JMY: variants seen among roughly 807,000 people sequenced by gnomAD.
JMY encodes the protein junction-mediating and -regulatory protein.
In JMY, 46 loss-of-function variants were observed where a neutral mutation model predicts 103.3. The observed-to-expected ratio is 0.45, with a 90% CI of 0.35 to 0.57. The LOEUF (loss-of-function observed/expected upper bound fraction) is 0.57, where lower values mean the gene tolerates loss of function less well. JMY is among the 20% of genes least tolerant of loss of function. The pLI, the probability that JMY is intolerant of heterozygous loss-of-function variation, is 0.00. For missense variants in JMY, 1,238 were observed against 1,255.2 expected (o/e 0.99, Z 0.21); for synonymous variants, 526 against 489.3 (o/e 1.07, Z -0.99).
In JMY at chr5:79,316,823, T is replaced by C. The variant is rs536599621; in HGVS notation, c.*3+513T>C. 2.4e-4 allele frequency among the ~76,000 whole-genome samples: 36 copies of C among 149,328 alleles called. 1 individual carries two copies. Among genetic ancestry groups the C allele is most frequent in the Admixed American group, 4.8e-4 (7 of 14,720 alleles). On this transcript the variant is annotated intron_variant, in intron 10 of 10. Coordinates refer to ENST00000396137, the MANE Select transcript of JMY (RefSeq NM_152405.5). Reference sequence around the variant, plus strand: ...CGAGAGGCTGAGGCAAGAGAATCACTTGAACCCAGGAGGCGGAGGTTGCAG... The same window carrying C: ...CGAGAGGCTGAGGCAAGAGAATCACCTGAACCCAGGAGGCGGAGGTTGCAG...
chr5:79,316,783 G>T (rs1011872868), intron 10 of JMY, among the ~76,000 whole-genome samples: 6 of 151,086 alleles, frequency 4.0e-5, no homozygotes, highest in African/African-American at 1.5e-4. Context: ...GCGGGCATCT[G>T]TAATCCCAGC....
rs1170583430 is a variant in JMY at position 79,236,931 on chromosome 5, C to T, written c.281C>T (p.Ala94Val). 2 of 1,408,250 alleles carry T rather than the reference C, an allele frequency of 1.4e-6. No individual in the cohort carries two copies. The highest frequency in any genetic ancestry group is 9.2e-7 in the Non-Finnish European group (1 of 1,086,000). The allele number at this position is 1,408,250 out of a possible 1,614,324, so 87.2% of individuals were successfully genotyped here. A position where few individuals can be genotyped will look rare whatever the true frequency, so the allele number is the denominator to read the frequency against. Residue 94 changes from alanine (A) to valine (V), a missense_variant, in exon 1 of 11, where the codon GCC becomes GTC. By Grantham distance (64) the Ala-to-Val change is moderately conservative. Transcript: ENST00000396137. ...PAGRGRPEATASATLVRSPGP... is the reference protein window; with the variant it reads ...PAGRGRPEATVSATLVRSPGP... ...GGCAGGGGTCGGCCCGAGGCCACTG[C>T]CTCTGCAACTCTGGTTAGGAGCCCC...
chr5:79,292,038 TGGA>T (rs1561307292), intron 4 of JMY, among the ~76,000 whole-genome samples: 1 of 152,220 alleles, frequency 6.6e-6, no homozygotes, highest in East Asian at 1.9e-4. Flanking sequence ...TTTTTGTTGA[TGGA>T]TTTTTATCAT....
At chr5:79,267,313 T>A (rs1256460558) in intron 1 of JMY, among the ~76,000 whole-genome samples, 1 of 152,194 alleles carries the variant, frequency 6.6e-6, no homozygotes, top group South Asian at 2.1e-4. Context: ...TACACCATTA[T>A]AATATACAAA....
rs953000341 is a variant in JMY, at chr5:79,236,343, CGCGGGGGGCGGCGGGCGGCCGCGA to C, written c.-306_-283del. On this transcript the variant is annotated 5_prime_UTR_variant, in exon 1 of 11. Transcript: ENST00000396137. ...CCGCAGACGCAGCTCCACGGCCTCG[CGCGGGGGGCGGCGGGCGGCCGCGA>C]GGCGCTGCGGCAGCGCGGAGCTTGT... is the stretch of plus-strand genomic sequence containing the variant. 1 of 227,404 alleles carries C rather than the reference CGCGGGGGGCGGCGGGCGGCCGCGA, an allele frequency of 4.4e-6. No individual in the cohort carries two copies. The highest frequency in any genetic ancestry group is 2.3e-5 in the African/African-American group (1 of 44,038). 14.1% of individuals were successfully genotyped at this position (227,404 alleles called of 1,614,324 possible).
intron 4 of JMY, 103 bp from the exon 5 acceptor site, chr5:79,300,050 A>T: frequency 2.6e-6 from 2 of 759,470 alleles, no homozygotes; most frequent in Non-Finnish European, 2.1e-6. Context: ...GAGAGGAATT[A>T]CTTAATAGGT....
Position 79,292,471 on chromosome 5 carries a change from T to G in JMY, c.1527+1172T>G, listed in dbSNP as rs117025265. 1.1e-4 allele frequency among the ~76,000 whole-genome samples: 17 copies of G among 152,074 alleles called. No individual in the cohort carries two copies. The East Asian group carries it at 3.3e-3, about 29-fold the overall frequency. ...CAGGCACGCACCCCCCCCAACACCT[T>G]GCAAATTTTTATTTATTTACTTATT... On this transcript the variant is annotated intron_variant, in intron 4 of 10. Transcript: ENST00000396137.
intron 1 of JMY, among the ~76,000 whole-genome samples, chr5:79,270,478 CATAA>C (rs1328902568): frequency 1.1e-5 from 1 of 91,048 alleles, no homozygotes; most frequent in Admixed American, 1.3e-4. Flanking sequence ...TGTATATTTA[CATAA>C]ATATTTACAT....
chr5:79,284,782 T>C, intron 2 of JMY: 1 of 1,576,352 alleles, frequency 6.3e-7, no homozygotes, highest in Non-Finnish European at 8.6e-7. Context: ...GATGAGCATC[T>C]TTCCAATATT....
In JMY at chr5:79,253,944, C is replaced by CTT. The variant is rs562468793; in HGVS notation, c.1032+16281_1032+16282dup. Among the ~76,000 whole-genome samples, 372 of 131,448 alleles carry CTT rather than the reference C, an allele frequency of 2.8e-3. 2 individuals are homozygous for CTT. Among genetic ancestry groups the CTT allele is most frequent in the African/African-American group, 0.01 (359 of 35,702 alleles). 86.2% of individuals were successfully genotyped at this position (131,448 alleles called of 152,430 possible). ...GTCCCCTGAAAGTGCTGGTAGATGA[C>CTT]TTTTTTTTTTTTTTTTTTTTAAAGA... On this transcript the variant is annotated intron_variant, in intron 1 of 10. Transcript: ENST00000396137.
chr5:79,274,747 C>A (rs190076038), intron 1 of JMY, among the ~76,000 whole-genome samples: 21 of 152,184 alleles, frequency 1.4e-4, no homozygotes, highest in African/African-American at 5.1e-4. Context: ...TTTCCTATTT[C>A]TTTGTTGGTC....
chr5:79,291,744 C>T (rs1207880228), intron 4 of JMY, among the ~76,000 whole-genome samples: 1 of 152,186 alleles, frequency 6.6e-6, no homozygotes, highest in East Asian at 1.9e-4. Context: ...TGGTCTCCCC[C>T]ATCTCCCACC....
At chr5:79,288,421 GAA>G (rs1746329811) in intron 2 of JMY, among the ~76,000 whole-genome samples, 1 of 151,904 alleles carries the variant, frequency 6.6e-6, no homozygotes, top group Non-Finnish European at 1.5e-5. Flanking sequence ...GAACCTCAAT[GAA>G]GTTTGTCCTC....
intron 1 of JMY, among the ~76,000 whole-genome samples, chr5:79,258,513 A>G (rs1442691551): frequency 6.6e-6 from 1 of 151,936 alleles, no homozygotes; most frequent in Admixed American, 6.6e-5. Context: ...TCTGGGTCCC[A>G]TGCCTGCCAA....
chr5:79,246,117 C>A (rs1744893007), intron 1 of JMY, among the ~76,000 whole-genome samples: 1 of 152,184 alleles, frequency 6.6e-6, no homozygotes, highest in Non-Finnish European at 1.5e-5. Flanking sequence ...ACTTATACTT[C>A]AAATTTTCTG....
At chr5:79,318,571 T>C (rs752766783) in intron 10 of JMY, among the ~76,000 whole-genome samples, 7 of 152,100 alleles carry the variant, frequency 4.6e-5, no homozygotes, top group African/African-American at 1.2e-4. Flanking sequence ...AAGGGTAATA[T>C]TACATTCACC....
At chr5:79,293,136 T>C (rs1199465938) in intron 4 of JMY, among the ~76,000 whole-genome samples, 2 of 142,448 alleles carry the variant, frequency 1.4e-5, no homozygotes, top group Non-Finnish European at 3.1e-5. Context: ...AAAACAAAGT[T>C]CTTCTTGATG....
chr5:79,252,033 C>T (rs898376530), intron 1 of JMY, among the ~76,000 whole-genome samples: 1 of 152,024 alleles, frequency 6.6e-6, no homozygotes, highest in African/African-American at 2.4e-5. Flanking sequence ...GCCTCGGCCT[C>T]TCAAAGTGCT....
intron 7 of JMY, among the ~76,000 whole-genome samples, chr5:79,307,345 TC>T (rs1359123326): frequency 6.6e-6 from 1 of 152,210 alleles, no homozygotes; most frequent in East Asian, 1.9e-4. Context: ...TAGTGGCTGT[TC>T]CATTTTGAAC....
Sources: allele counts gnomAD v4.1 joint callset (sites outside exome capture counted in the v4.1 genomes callset), GRCh38; gene constraint gnomAD v4.1.1; transcripts MANE v1.5; gene names NCBI Gene and HGNC (gene_info 2026-07-23, HGNC 2026-07-21).